Variants in RAP1GAP2 observed in about 807,000 individuals in gnomAD.
RAP1GAP2 encodes the protein RAP1 GTPase activating protein 2, also known as rap1 GTPase-activating protein 2.
A neutral mutation model predicts 95.0 loss-of-function variants in RAP1GAP2; 27 were observed. That is an observed-to-expected ratio of 0.28 (90% CI 0.21 to 0.39). The LOEUF is 0.39. Ranked by LOEUF, RAP1GAP2 falls within the 10% of genes least tolerant of loss-of-function variation. The probability of loss-of-function intolerance (pLI) is 1.00; values close to 1 mark genes in which losing one functional copy is unlikely to be tolerated. For synonymous variants in RAP1GAP2, 373 were observed against 380.9 expected (o/e 0.98, Z 0.24); for missense variants, 771 against 970.0 (o/e 0.79, Z 2.72).
rs774517119 is a variant in RAP1GAP2 at position 3,026,462 on chromosome 17, G to C, written c.1978G>C (p.Gly660Arg). ...CGAGGCCATGGAGGAGGGCGACAGT[G>C]GGGTAGGTGTGCCCCGTCCACCCTT... ...EGEAMEEGDS[G>R]GSQPSTTSPF... Residue 660 changes from glycine to arginine, a missense_variant and splice_region_variant, in exon 21 of 25, where the codon GGG (glycine) becomes CGG (arginine). By Grantham distance (125) the Gly-to-Arg change is moderately radical. Coordinates refer to ENST00000254695, the MANE Select transcript of RAP1GAP2 (RefSeq NM_015085.5). The C allele has an allele frequency of 6.5e-7, 1 of 1,548,108 alleles. No individual in the cohort carries two copies. Among genetic ancestry groups the C allele is most frequent in the Admixed American group, 2.0e-5 (1 of 50,744 alleles).
intron 16 of RAP1GAP2, among the ~76,000 whole-genome samples, chr17:3,007,094 G>C (rs1233079311): frequency 6.6e-6 from 1 of 152,072 alleles, no homozygotes; most frequent in Non-Finnish European, 1.5e-5. Context: ...CATGAGCAAA[G>C]GTCAGGAAGA....
Position 2,769,232 on chromosome 17 carries a change from TAAAAAAAAAAA to T in RAP1GAP2, c.51-1067_51-1057del, listed in dbSNP as rs58436827. Among the ~76,000 whole-genome samples the T allele has an allele frequency of 2.5e-3, 106 of 42,892 alleles. 2 individuals are homozygous for T. The highest frequency in any genetic ancestry group is 9.1e-3 in the African/African-American group (95 of 10,424). The allele number at this position is 42,892 out of a possible 152,430, so 28.1% of individuals were successfully genotyped here. ...GGATGAGAAAGTGAAACCATTTCTC[TAAAAAAAAAAA>T]AAAAAAAAAAAAAAAAAAAAAAAAA... On this transcript the variant is annotated intron_variant, in intron 1 of 25. Transcript: ENST00000637138.
intron 2 of RAP1GAP2, among the ~76,000 whole-genome samples, chr17:2,891,551 T>C (rs1054439455): frequency 1.3e-4 from 19 of 151,148 alleles, no homozygotes; most frequent in Non-Finnish European, 2.1e-4. Context: ...GTCAATTCCA[T>C]TCTTTCCCCC....
At chr17:2,961,890 A>ATTTTTTTT (rs34857082) in intron 4 of RAP1GAP2, among the ~76,000 whole-genome samples, 1 of 111,974 alleles carries the variant, frequency 8.9e-6, no homozygotes, top group African/African-American at 3.5e-5. Flanking sequence ...GACCCTAAGG[A>ATTTTTTTT]TTTTTTTTTT....
chr17:2,971,198 C>A (rs776933310), intron 8 of RAP1GAP2, among the ~76,000 whole-genome samples: 15 of 152,062 alleles, frequency 9.9e-5, no homozygotes, highest in Non-Finnish European at 1.9e-4. Context: ...TATTCACTTA[C>A]AATTTGATGA....
chr17:3,012,757 G>A (rs2046603990), intron 17 of RAP1GAP2, among the ~76,000 whole-genome samples: 1 of 152,130 alleles, frequency 6.6e-6, no homozygotes, highest in East Asian at 1.9e-4. Context: ...TCTGTGAGCA[G>A]ATTCTCGGGA....
intron 3 of RAP1GAP2, among the ~76,000 whole-genome samples, chr17:2,928,128 T>G (rs1270875668): frequency 6.6e-6 from 1 of 152,154 alleles, no homozygotes; most frequent in Non-Finnish European, 1.5e-5. Context: ...GAAAAAAGAC[T>G]TATGTTAAGC....
chr17:2,946,581 C>T (rs1567809091), intron 3 of RAP1GAP2, among the ~76,000 whole-genome samples: 1 of 152,152 alleles, frequency 6.6e-6, no homozygotes, highest in Non-Finnish European at 1.5e-5. Flanking sequence ...ATCTTCCCAC[C>T]CTTCCCCACC....
At chr17:2,929,872 C>T (rs2043086234) in intron 3 of RAP1GAP2, among the ~76,000 whole-genome samples, 1 of 152,108 alleles carries the variant, frequency 6.6e-6, no homozygotes, top group South Asian at 2.1e-4. Context: ...CACCAGTGCA[C>T]CCCGAGATCA....
At position 2,866,991 on chromosome 17, in the gene RAP1GAP2, C is replaced by G; in HGVS notation, c.81-38293C>G. ...TCTCGGCTCACTGCAACCTCCACCTCTCAGGTTCGAATGATTCTTCTGCCT... is the reference window on the plus strand; with the variant it reads ...TCTCGGCTCACTGCAACCTCCACCTGTCAGGTTCGAATGATTCTTCTGCCT... On this transcript the variant is annotated intron_variant, in intron 2 of 24. Coordinates refer to ENST00000254695, the MANE Select transcript of RAP1GAP2 (RefSeq NM_015085.5). The surrounding 1 kb of genome is among the most constrained non-coding windows in gnomAD (Gnocchi z 4.0). Among the ~76,000 whole-genome samples, 1 of 152,166 alleles carries G rather than the reference C, an allele frequency of 6.6e-6. No homozygotes were observed. Among genetic ancestry groups the G allele is most frequent in the Middle Eastern group, 3.2e-3 (1 of 316 alleles).
chr17:2,940,701 C>T (rs957943404), intron 3 of RAP1GAP2, among the ~76,000 whole-genome samples: 3 of 152,214 alleles, frequency 2.0e-5, no homozygotes, highest in African/African-American at 7.2e-5. Context: ...CCAGCTTTGG[C>T]AGACCCTTTG....
At chr17:2,949,707 C>T (rs1346710832) in intron 3 of RAP1GAP2, among the ~76,000 whole-genome samples, 2 of 152,134 alleles carry the variant, frequency 1.3e-5, no homozygotes, top group Non-Finnish European at 2.9e-5. Flanking sequence ...GCTATGTGCC[C>T]TTGGCTGTAT....
At chr17:2,913,295 C>T (rs71359187) in intron 3 of RAP1GAP2, among the ~76,000 whole-genome samples, 8,541 of 132,748 alleles carry the variant, frequency 0.064, 470 homozygotes, top group African/African-American at 0.17. Context: ...ATTCTGTTCT[C>T]TTTTTTTTTT....
intron 2 of RAP1GAP2, among the ~76,000 whole-genome samples, chr17:2,876,147 C>T (rs2073090280): frequency 6.6e-6 from 1 of 151,910 alleles, no homozygotes; most frequent in Non-Finnish European, 1.5e-5. Flanking sequence ...CCGTGTTAGC[C>T]AGGATGGTCT....
In RAP1GAP2 at chr17:2,796,473, G is replaced by A; in HGVS notation, c.-55G>A. The A allele has an allele frequency of 6.5e-7, 1 of 1,547,924 alleles. No individual in the cohort carries two copies. Among genetic ancestry groups the A allele is most frequent in the South Asian group, 1.2e-5 (1 of 83,980 alleles). On this transcript the variant is annotated 5_prime_UTR_variant, in exon 1 of 25. Coordinates refer to ENST00000254695, the MANE Select transcript of RAP1GAP2 (RefSeq NM_015085.5). The surrounding 1 kb of genome is among the most constrained non-coding windows in gnomAD (Gnocchi z 4.7). ...CTGTACCACGGCCCTCTTGCGGACA[G>A]CCCCGGGGACGTCGTTGGGACATCG...
At position 3,004,812 on chromosome 17, in the gene RAP1GAP2, C is replaced by T. The variant is rs1327243298; in HGVS notation, c.1201-557C>T. Reference sequence around the variant, plus strand: ...TTAGGCCAGAGCCCATGAACCCAGTCTGTATTTTTAAACACCTGAAGCAAT... The same window carrying T: ...TTAGGCCAGAGCCCATGAACCCAGTTTGTATTTTTAAACACCTGAAGCAAT... On this transcript the variant is annotated intron_variant, in intron 14 of 24. Transcript: ENST00000254695. The surrounding 1 kb of genome is among the most constrained non-coding windows in gnomAD (Gnocchi z 4.1). Among the ~76,000 whole-genome samples the T allele has an allele frequency of 1.3e-5, 2 of 152,230 alleles. No individual in the cohort carries two copies. The highest frequency in any genetic ancestry group is 2.9e-5 in the Non-Finnish European group (2 of 68,038).
intron 17 of RAP1GAP2, among the ~76,000 whole-genome samples, chr17:3,014,844 A>G (rs990800612): frequency 6.6e-6 from 1 of 152,196 alleles, no homozygotes; most frequent in Non-Finnish European, 1.5e-5. Flanking sequence ...GGCGTGAGCC[A>G]TCGCCCCTGG....
At chr17:2,858,540 A>C (rs543446956) in intron 2 of RAP1GAP2, among the ~76,000 whole-genome samples, 34 of 152,272 alleles carry the variant, frequency 2.2e-4, no homozygotes, top group African/African-American at 7.0e-4. Flanking sequence ...ACTCCTCCAC[A>C]AGATTATTTT....
chr17:2,996,758 A>G (rs1334518766), intron 13 of RAP1GAP2, among the ~76,000 whole-genome samples: 3 of 152,218 alleles, frequency 2.0e-5, no homozygotes, highest in African/African-American at 7.2e-5. Flanking sequence ...GACTGAGTAA[A>G]TATTAAGTTT....
Sources: allele counts gnomAD v4.1 joint callset (sites outside exome capture counted in the v4.1 genomes callset), GRCh38; gene constraint gnomAD v4.1.1; non-coding constraint Gnocchi (gnomAD v3.1); transcripts MANE v1.5; gene names NCBI Gene and HGNC (gene_info 2026-07-23, HGNC 2026-07-21).